Variants in CREB5 observed in about 807,000 individuals in gnomAD.
The protein encoded by CREB5 is cyclic AMP-responsive element-binding protein 5.
A neutral mutation model predicts 57.1 loss-of-function variants in CREB5; 19 were observed. The observed-to-expected ratio is 0.33, with a 90% CI of 0.23 to 0.49. The LOEUF (loss-of-function observed/expected upper bound fraction) is 0.49, where lower values mean the gene tolerates loss of function less well. Ranked by LOEUF, CREB5 falls within the 20% of genes least tolerant of loss-of-function variation. The pLI, the probability that CREB5 is intolerant of heterozygous loss-of-function variation, is 0.99. For synonymous variants in CREB5, 238 were observed against 238.3 expected (o/e 1.00, Z 0.01); for missense variants, 579 against 671.6 (o/e 0.86, Z 1.52).
intron 7 of CREB5, among the ~76,000 whole-genome samples, chr7:28,775,088 T>C (rs1465708426): frequency 6.6e-6 from 1 of 152,238 alleles, no homozygotes; most frequent in Non-Finnish European, 1.5e-5. Context: ...TCCGTGTCCT[T>C]TGAATTCTGC....
intron 1 of CREB5, among the ~76,000 whole-genome samples, chr7:28,362,727 C>T (rs1786510861): frequency 6.6e-6 from 1 of 152,148 alleles, no homozygotes; most frequent in Admixed American, 6.6e-5. Flanking sequence ...GCAGTAGTTA[C>T]CATCCTCATC....
intron 7 of CREB5, among the ~76,000 whole-genome samples, chr7:28,777,141 A>T (rs2128780867): frequency 6.6e-6 from 1 of 152,300 alleles, no homozygotes; most frequent in East Asian, 1.9e-4. Flanking sequence ...AAAGCGACTG[A>T]ACCATTTTAC....
chr7:28,608,123 TCACACACA>T (rs1200162382), intron 5 of CREB5, among the ~76,000 whole-genome samples: 2,292 of 68,496 alleles, frequency 0.033, 67 homozygotes, highest in African/African-American at 0.079. Flanking sequence ...TCACACACAC[TCACACACA>T]CACACACACA....
intron 1 of CREB5, among the ~76,000 whole-genome samples, chr7:28,355,740 C>A (rs753492368): frequency 1.3e-5 from 2 of 152,168 alleles, no homozygotes; most frequent in African/African-American, 4.8e-5. Flanking sequence ...TAATCCGAAT[C>A]GACTACCTGC....
intron 4 of CREB5, among the ~76,000 whole-genome samples, chr7:28,516,217 T>TA (rs77789258): frequency 4.7e-5 from 7 of 150,198 alleles, no homozygotes; most frequent in Admixed American, 1.3e-4. Flanking sequence ...GTATTTTTTT[T>TA]AAAAAAAAAG....
At chr7:28,580,323 A>G (rs766128713) in intron 5 of CREB5, among the ~76,000 whole-genome samples, 7 of 151,678 alleles carry the variant, frequency 4.6e-5, no homozygotes, top group African/African-American at 7.3e-5. Context: ...AAAGTCTGGA[A>G]TTGGAGAAAG....
chr7:28,655,845 A>C (rs571687860), intron 5 of CREB5, among the ~76,000 whole-genome samples: 1 of 152,284 alleles, frequency 6.6e-6, no homozygotes, highest in Non-Finnish European at 1.5e-5. Context: ...TTTGTTTTAC[A>C]CATTGATGCA....
chr7:28,570,422 C>T lies in CREB5; in HGVS notation c.349C>T (p.Leu117Phe), dbSNP rs759322003. The T allele has an allele frequency of 6.2e-7, 1 of 1,614,198 alleles. No homozygotes were observed. Among genetic ancestry groups the T allele is most frequent in the South Asian group, 1.1e-5 (1 of 91,066 alleles). Reference protein sequence around the residue: ...GAMTGPGTHQLSSARLPNHDT... With the variant: ...GAMTGPGTHQFSSARLPNHDT... ...CATGACGGGGCCCGGAACTCACCAG[C>T]TTAGCAGCGCTCGGCTGCCCAACCA... The change falls in exon 5 of 11, where the codon CTT (leucine) becomes TTT (phenylalanine). Residue 117 changes from leucine (L) to phenylalanine (F), a missense_variant. Around this residue, in one of 3 missense-constraint regions of CREB5, gnomAD observed 459 missense variants for 515.7 expected, o/e 0.89. Coordinates refer to ENST00000357727, the MANE Select transcript of CREB5 (RefSeq NM_182898.4).
At chr7:28,616,919 T>G (rs947905002) in intron 5 of CREB5, among the ~76,000 whole-genome samples, 4 of 152,248 alleles carry the variant, frequency 2.6e-5, no homozygotes, top group African/African-American at 9.6e-5. Flanking sequence ...AAACAAGTGT[T>G]TGTACTATCT....
chr7:28,414,908 G>A (rs1787966752), intron 1 of CREB5, among the ~76,000 whole-genome samples: 1 of 151,950 alleles, frequency 6.6e-6, no homozygotes. Context: ...CACAGTAAAA[G>A]ATAAAGTTTA....
intron 4 of CREB5, among the ~76,000 whole-genome samples, chr7:28,516,847 C>T (rs925303263): frequency 1.4e-4 from 22 of 152,246 alleles, no homozygotes; most frequent in Admixed American, 3.9e-4. Flanking sequence ...ATCACAACAT[C>T]GAATGGACAC....
At chr7:28,582,667 C>A (rs974276872) in intron 5 of CREB5, among the ~76,000 whole-genome samples, 5 of 152,142 alleles carry the variant, frequency 3.3e-5, no homozygotes, top group African/African-American at 7.2e-5. Flanking sequence ...ACTTAATTTT[C>A]AGTCCTTATC....
In CREB5 at chr7:28,551,975, TTCTC is replaced by T. The variant is rs1224502131; in HGVS notation, c.292-18382_292-18379del. Among the ~76,000 whole-genome samples the T allele has an allele frequency of 1.1e-3, 146 of 132,746 alleles. 1 individual carries two copies. The highest frequency in any genetic ancestry group is 3.7e-3 in the African/African-American group (128 of 34,150). The allele number at this position is 132,746 out of a possible 152,430, so 87.1% of individuals were successfully genotyped here. On this transcript the variant is annotated intron_variant, in intron 4 of 10. Transcript: ENST00000357727. ...ATTCTTTCTCTTTTTTATTCTCTCT[TTCTC>T]TCTCTCTTTCTCTCTTTTCTCTCTC...
At chr7:28,329,481 T>G (rs1785672667) in intron 1 of CREB5, among the ~76,000 whole-genome samples, 1 of 152,238 alleles carries the variant, frequency 6.6e-6, no homozygotes, top group South Asian at 2.1e-4. Context: ...TTCTTGCATT[T>G]GGAAAACAAA....
intron 1 of CREB5, among the ~76,000 whole-genome samples, chr7:28,387,996 C>T (rs983198254): frequency 6.6e-6 from 1 of 152,152 alleles, no homozygotes; most frequent in African/African-American, 2.4e-5. Context: ...TTTGCTGACT[C>T]TCAATCATGG....
At chr7:28,586,332 C>T (rs773042171) in intron 5 of CREB5, among the ~76,000 whole-genome samples, 2 of 152,208 alleles carry the variant, frequency 1.3e-5, no homozygotes, top group African/African-American at 2.4e-5. Flanking sequence ...CCCAAAGAAG[C>T]TCAGAGCTCT....
At chr7:28,476,601 T>C (rs1213620121) in intron 1 of CREB5, among the ~76,000 whole-genome samples, 2 of 152,224 alleles carry the variant, frequency 1.3e-5, no homozygotes, top group African/African-American at 4.8e-5. Flanking sequence ...GATTTAATTG[T>C]TTCTTTTCTA....
intron 3 of CREB5, among the ~76,000 whole-genome samples, chr7:28,501,741 C>A (rs1393577929): frequency 6.6e-6 from 1 of 152,204 alleles, no homozygotes; most frequent in Non-Finnish European, 1.5e-5. Context: ...CTCAGTAATG[C>A]AAATTGAAAT....
At chr7:28,463,600 GT>G (rs746870928) in intron 1 of CREB5, among the ~76,000 whole-genome samples, 8 of 152,052 alleles carry the variant, frequency 5.3e-5, no homozygotes, top group Non-Finnish European at 8.8e-5. Flanking sequence ...TTTTAATGAT[GT>G]TTTGTGGCTT....
Sources: allele counts gnomAD v4.1 joint callset (sites outside exome capture counted in the v4.1 genomes callset), GRCh38; gene constraint gnomAD v4.1.1; regional missense constraint gnomAD v4.1.1; transcripts MANE v1.5; gene names NCBI Gene and HGNC (gene_info 2026-07-23, HGNC 2026-07-21).